The following TSPAN18 variants were observed in gnomAD, a reference collection of about 807,000 sequenced individuals.
The protein encoded by TSPAN18 is tetraspanin 18.
A neutral mutation model predicts 27.3 loss-of-function variants in TSPAN18; 14 were observed. The ratio of observed to expected loss-of-function variants is 0.51; its 90% confidence interval spans 0.34 to 0.80. The LOEUF is 0.80. Ranked by LOEUF, TSPAN18 falls within the 30% of genes least tolerant of loss-of-function variation. The probability of loss-of-function intolerance (pLI) is 0.01; values close to 1 mark genes in which losing one functional copy is unlikely to be tolerated. For synonymous variants in TSPAN18, 143 were observed against 136.5 expected, an observed-to-expected ratio of 1.05 and a Z score of -0.33; for missense variants, 268 against 323.9, an observed-to-expected ratio of 0.83 and a Z score of 1.32.
chr11:44,757,829 G>T lies in TSPAN18; in HGVS notation c.-239-6597G>T, dbSNP rs968407973. Among the ~76,000 whole-genome samples the T allele has an allele frequency of 9.9e-5, 15 of 152,016 alleles. No individual in the cohort carries two copies. In the East Asian group the frequency reaches 2.9e-3, roughly 29 times the overall value. ...CATTTTTTAATTGGGTTTTTTTGTT[G>T]TTGCTGAGTTTGAGTTTTCTATATT... On this transcript the variant is annotated intron_variant, in intron 1 of 9. Coordinates refer to ENST00000520358, the MANE Select transcript of TSPAN18 (RefSeq NM_130783.5).
At chr11:44,886,575 G>A (rs953151242) in intron 3 of TSPAN18, 14 of 152,202 alleles carry the variant, frequency 9.2e-5, no homozygotes, top group African/African-American at 3.4e-4. Context: ...CTGTGAAGCA[G>A]AGAATCAATG....
intron 3 of TSPAN18, among the ~76,000 whole-genome samples, chr11:44,861,255 A>G (rs184870285): frequency 2.8e-3 from 429 of 152,126 alleles, no homozygotes; most frequent in Middle Eastern, 6.8e-3. Context: ...AGGCGGTCCA[A>G]CAAAAATCCC....
intron 3 of TSPAN18, among the ~76,000 whole-genome samples, chr11:44,875,963 A>T (rs1167191689): frequency 6.6e-6 from 1 of 152,194 alleles, no homozygotes; most frequent in African/African-American, 2.4e-5. Context: ...CAAAGCTGAG[A>T]TTCAGACCCC....
intron 2 of TSPAN18, among the ~76,000 whole-genome samples, chr11:44,838,553 A>G (rs1176819032): frequency 1.3e-5 from 2 of 152,204 alleles, no homozygotes; most frequent in East Asian, 1.9e-4. Flanking sequence ...TGGAATGTCA[A>G]GGTGCAGCCA....
intron 3 of TSPAN18, among the ~76,000 whole-genome samples, chr11:44,896,203 G>A (rs1859042377): frequency 6.6e-6 from 1 of 151,986 alleles, no homozygotes; most frequent in Non-Finnish European, 1.5e-5. Context: ...TGAACCTGTG[G>A]TAGCCTGCCT....
intron 1 of TSPAN18, among the ~76,000 whole-genome samples, chr11:44,759,458 C>T (rs573863477): frequency 6.6e-6 from 1 of 152,172 alleles, no homozygotes; most frequent in Non-Finnish European, 1.5e-5. Context: ...GAAAATTATA[C>T]AAGTAGTTGA....
intron 2 of TSPAN18, among the ~76,000 whole-genome samples, chr11:44,822,251 T>C (rs988319734): frequency 1.3e-4 from 20 of 152,232 alleles, no homozygotes; most frequent in African/African-American, 4.6e-4. Context: ...GTGGGTAAGA[T>C]GATTGGTAAT....
intron 2 of TSPAN18, among the ~76,000 whole-genome samples, chr11:44,801,769 C>T (rs1050812217): frequency 5.9e-5 from 9 of 152,270 alleles, no homozygotes; most frequent in East Asian, 5.8e-4. Context: ...TAGTGGCTCA[C>T]ACCTGTAATC....
intron 2 of TSPAN18, among the ~76,000 whole-genome samples, chr11:44,835,038 C>T (rs1452998): frequency 0.064 from 9,682 of 152,260 alleles, 849 homozygotes; most frequent in African/African-American, 0.2. Flanking sequence ...GGCTAAGGGC[C>T]ACCCTGAGGG....
Position 44,931,827 on chromosome 11 carries a change from G to C in TSPAN18, c.*2649G>C, listed in dbSNP as rs1407680978. The stretch of plus-strand genomic sequence containing the variant: ...GTGGTGGCTGGGGTTGTGGGGGAGG[G>C]GTGGGCAGGGATACCTCTTTGTTTC... On this transcript the variant is annotated 3_prime_UTR_variant, in exon 10 of 10. Transcript: ENST00000520358. The C allele has an allele frequency of 6.6e-6, 1 of 152,100 alleles. No homozygotes were observed. The highest frequency in any genetic ancestry group is 1.5e-5 in the Non-Finnish European group (1 of 68,034). 9.4% of individuals were successfully genotyped at this position (152,100 alleles called of 1,614,324 possible).
Position 44,931,970 on chromosome 11 carries a change from T to C in TSPAN18, c.*2792T>C, listed in dbSNP as rs2135395992. ...ACCCTGCCTGTATCGAAAGCCACTT[T>C]CCTGCTCTGAAGCTACTGCCTCTTA... On this transcript the variant is annotated 3_prime_UTR_variant, in exon 10 of 10. Transcript: ENST00000520358. The C allele has an allele frequency of 6.6e-6, 1 of 152,396 alleles. No homozygotes were observed. The highest frequency in any genetic ancestry group is 2.1e-4 in the South Asian group (1 of 4,828). 9.4% of individuals were successfully genotyped at this position (152,396 alleles called of 1,614,324 possible).
intron 8 of TSPAN18, among the ~76,000 whole-genome samples, chr11:44,923,180 T>C (rs990275407): frequency 2.0e-5 from 3 of 151,822 alleles, no homozygotes; most frequent in African/African-American, 7.3e-5. Flanking sequence ...GTGTATGGGG[T>C]GGAGCTGGAG....
At chr11:44,828,369 C>T (rs1857087660) in intron 2 of TSPAN18, among the ~76,000 whole-genome samples, 1 of 152,106 alleles carries the variant, frequency 6.6e-6, no homozygotes, top group Admixed American at 6.5e-5. Flanking sequence ...AGATGGAAGC[C>T]TCGATCTTCC....
At chr11:44,788,088 C>T (rs1247024365) in intron 2 of TSPAN18, among the ~76,000 whole-genome samples, 1 of 152,170 alleles carries the variant, frequency 6.6e-6, no homozygotes, top group Non-Finnish European at 1.5e-5. Flanking sequence ...TTTTCTCGTG[C>T]CTTTTCCTCC....
intron 3 of TSPAN18, among the ~76,000 whole-genome samples, chr11:44,868,282 A>G (rs1439824794): frequency 6.6e-6 from 1 of 152,128 alleles, no homozygotes; most frequent in Non-Finnish European, 1.5e-5. Context: ...TCATCTTTGC[A>G]TGCTCCCCTT....
chr11:44,857,540 G>A (rs911397276), intron 2 of TSPAN18, among the ~76,000 whole-genome samples: 5 of 152,234 alleles, frequency 3.3e-5, no homozygotes, highest in African/African-American at 1.2e-4. Flanking sequence ...TAGCTAGAGA[G>A]TGAAGGAGAC....
At chr11:44,867,287 G>A (rs1229090889) in intron 3 of TSPAN18, among the ~76,000 whole-genome samples, 1 of 151,632 alleles carries the variant, frequency 6.6e-6, no homozygotes, top group Non-Finnish European at 1.5e-5. Flanking sequence ...GAGGGCAACA[G>A]CAGGCAGTGG....
At chr11:44,793,632 G>T (rs986294267) in intron 2 of TSPAN18, among the ~76,000 whole-genome samples, 3 of 152,156 alleles carry the variant, frequency 2.0e-5, no homozygotes, top group African/African-American at 7.2e-5. Flanking sequence ...GAGTCACCAC[G>T]TTACCCTGGT....
intron 1 of TSPAN18, among the ~76,000 whole-genome samples, chr11:44,753,093 C>T (rs561998397): frequency 2.6e-5 from 4 of 152,200 alleles, no homozygotes; most frequent in South Asian, 2.1e-4. Context: ...GAAAACACTG[C>T]GGACCTCACC....
Sources: allele counts gnomAD v4.1 joint callset (sites outside exome capture counted in the v4.1 genomes callset), GRCh38; gene constraint gnomAD v4.1.1; transcripts MANE v1.5; gene names NCBI Gene and HGNC (gene_info 2026-07-23, HGNC 2026-07-21).